The following PIWIL2 variants were observed in gnomAD, a reference collection of about 807,000 sequenced individuals.
PIWIL2 encodes piwi like RNA-mediated gene silencing 2, also known as piwi-like protein 2.
A neutral mutation model predicts 116.5 loss-of-function variants in PIWIL2; 81 were observed. The observed-to-expected ratio is 0.70, with a 90% CI of 0.58 to 0.84. The LOEUF is 0.84. Among genes scored for constraint, PIWIL2 ranks in the 40% least tolerant of loss-of-function variants. The pLI is 0.00. For synonymous variants in PIWIL2, 489 were observed against 429.5 expected (o/e 1.14, Z -1.71); for missense variants, 1,272 against 1,212.3 (o/e 1.05, Z -0.73).
chr8:22,325,171 C>G (rs570188416), intron 20 of PIWIL2, among the ~76,000 whole-genome samples: 9 of 152,282 alleles, frequency 5.9e-5, no homozygotes, highest in African/African-American at 2.2e-4. Flanking sequence ...CATCCTGCCC[C>G]CAGGGAAGAA....
rs187960055 is a variant in PIWIL2, at chr8:22,332,476, A to T, written c.2403+14201A>T. 1.1e-4 allele frequency among the ~76,000 whole-genome samples: 17 copies of T among 152,266 alleles called. 2 individuals carry two copies. Among genetic ancestry groups the T allele is most frequent in the African/African-American group, 4.1e-4 (17 of 41,530 alleles). On this transcript the variant is annotated intron_variant, in intron 20 of 22. Transcript: ENST00000356766. Reference sequence around the variant, plus strand: ...AAACTGTTAGAAGACCCCAAACCATAGATTCAGAAAGCCCAACACATCTCA... The same window carrying T: ...AAACTGTTAGAAGACCCCAAACCATTGATTCAGAAAGCCCAACACATCTCA...
intron 13 of PIWIL2, 88 bp from the exon 14 acceptor site, chr8:22,307,845 G>A: frequency 3.0e-6 from 3 of 988,750 alleles, no homozygotes; most frequent in Non-Finnish European, 4.4e-6. Context: ...CAATGGGAAA[G>A]AGAAACATTT....
chr8:22,283,056 G>A lies in PIWIL2; in HGVS notation c.448G>A (p.Asp150Asn). The change falls in exon 5 of 23, where the codon GAT (aspartate) becomes AAT (asparagine). Residue 150 changes from aspartate to asparagine, a missense_variant. Physicochemically the swap from Asp to Asn is conservative, Grantham distance 23 (BLOSUM62 1). Transcript: ENST00000356766. ...WSRTLGRGSS[D>N]ASLLPLGRAA... Reference sequence around the variant, plus strand: ...CAGGACGCTTGGAAGAGGGAGTTCAGATGCGTCTTTATTACCACTGGGAAG... The same window carrying A: ...CAGGACGCTTGGAAGAGGGAGTTCAAATGCGTCTTTATTACCACTGGGAAG... 1 of 1,614,174 alleles carries A rather than the reference G, an allele frequency of 6.2e-7. No homozygotes were observed. The highest frequency in any genetic ancestry group is 1.1e-5 in the South Asian group (1 of 91,082).
chr8:22,277,127 T>C (rs969249418), intron 1 of PIWIL2, among the ~76,000 whole-genome samples: 19 of 151,924 alleles, frequency 1.3e-4, no homozygotes, highest in Non-Finnish European at 2.4e-4. Context: ...GTTCAAGCAA[T>C]TCTTGTGCCT....
chr8:22,339,685 A>C (rs1832063327), intron 20 of PIWIL2, among the ~76,000 whole-genome samples: 1 of 152,226 alleles, frequency 6.6e-6, no homozygotes, highest in South Asian at 2.1e-4. Flanking sequence ...TAAGAAAGTT[A>C]AAAGACAACG....
rs139650921 is a variant in PIWIL2, at chr8:22,288,175, G to A, written c.862-367G>A. On this transcript the variant is annotated intron_variant, in intron 7 of 22. Transcript: ENST00000356766. ...TAGCTGGGCATGGTGGCAGGCGCCT[G>A]TAGTCCCAGCTACTCAGGAGGCTGA... is the stretch of plus-strand genomic sequence containing the variant. Among the ~76,000 whole-genome samples the A allele has an allele frequency of 2.3e-3, 348 of 152,176 alleles. 3 individuals are homozygous for A. Among genetic ancestry groups the A allele is most frequent in the African/African-American group, 7.9e-3 (330 of 41,542 alleles).
chr8:22,327,178 G>A (rs12681598), intron 20 of PIWIL2, among the ~76,000 whole-genome samples: 8 of 151,140 alleles, frequency 5.3e-5, no homozygotes, highest in Admixed American at 2.6e-4. Flanking sequence ...CCAGGTGCAC[G>A]CCACCACACC....
At chr8:22,353,317 A>G in intron 21 of PIWIL2, 105 bp downstream of exon 21, 1 of 978,054 alleles carries the variant, frequency 1.0e-6, no homozygotes, top group Non-Finnish European at 1.5e-6. Flanking sequence ...GTGGACTAGA[A>G]TCTCAGAGAG....
chr8:22,291,113 C>T (rs922782520), intron 10 of PIWIL2, among the ~76,000 whole-genome samples: 6 of 151,408 alleles, frequency 4.0e-5, no homozygotes, highest in Non-Finnish European at 7.4e-5. Context: ...GAATTATAGG[C>T]GCCCGCCACC....
chr8:22,343,231 C>G (rs962332271), intron 20 of PIWIL2, among the ~76,000 whole-genome samples: 1 of 151,520 alleles, frequency 6.6e-6, no homozygotes, highest in Non-Finnish European at 1.5e-5. Context: ...ATGGAGAAAC[C>G]CCGTCTCTAC....
intron 20 of PIWIL2, among the ~76,000 whole-genome samples, chr8:22,329,489 A>G (rs1256044849): frequency 6.6e-6 from 1 of 152,200 alleles, no homozygotes; most frequent in East Asian, 1.9e-4. Context: ...AGAAAGTGAG[A>G]GAGAAGAAGA....
At chr8:22,330,349 T>C (rs182515832) in intron 20 of PIWIL2, among the ~76,000 whole-genome samples, 5 of 152,320 alleles carry the variant, frequency 3.3e-5, no homozygotes, top group Admixed American at 3.3e-4. Context: ...CACATTCTCA[T>C]ACTTTCGTTA....
chr8:22,282,244 CTTTTTTT>C (rs34130038), intron 4 of PIWIL2, among the ~76,000 whole-genome samples: 1 of 33,570 alleles, frequency 3.0e-5, no homozygotes, highest in Non-Finnish European at 5.4e-5. Context: ...CCACACCCGG[CTTTTTTT>C]TTTTTTTTTT....
intron 4 of PIWIL2, 33 bp downstream of exon 4, chr8:22,281,548 A>G (rs747996537): frequency 8.6e-6 from 13 of 1,516,664 alleles, no homozygotes; most frequent in South Asian, 3.9e-5. Context: ...GTAACTATCA[A>G]ATTCAGATGG....
At position 22,314,341 on chromosome 8, in the gene PIWIL2, T is replaced by A. The variant is rs185217581; in HGVS notation, c.2003T>A (p.Met668Lys). The change falls in exon 17 of 23, where the codon ATG (methionine) becomes AAG (lysine). Residue 668 changes from methionine to lysine, a missense_variant. Physicochemically the swap from Met to Lys is moderately conservative, Grantham distance 95. Coordinates refer to ENST00000356766, the MANE Select transcript of PIWIL2 (RefSeq NM_018068.5). ...STLGAEGKIQMVVCIIMGPRD... is the reference protein window; with the variant it reads ...STLGAEGKIQKVVCIIMGPRD... ...TATCTCCTCAAGGGGAAGATACAGA[T>A]GGTTGTTTGCATCATCATGGGCCCA... 6.4e-7 allele frequency: 1 copy of A among 1,555,980 alleles called. No homozygotes were observed. The highest frequency in any genetic ancestry group is 8.7e-7 in the Non-Finnish European group (1 of 1,147,148).
intron 20 of PIWIL2, among the ~76,000 whole-genome samples, chr8:22,336,157 A>C (rs934760303): frequency 6.6e-6 from 1 of 152,194 alleles, no homozygotes; most frequent in Admixed American, 6.5e-5. Context: ...TACCTAACAG[A>C]CATCTATAAA....
intron 18 of PIWIL2, among the ~76,000 whole-genome samples, chr8:22,315,467 C>T (rs1285687749): frequency 1.3e-5 from 2 of 151,182 alleles, no homozygotes; most frequent in Non-Finnish European, 1.5e-5. Flanking sequence ...CAGGTGCCCG[C>T]CACCATACCC....
rs929393988 is a variant in PIWIL2, at chr8:22,304,180, G to C, written c.1341G>C (p.Gly447=). The part of the protein sequence containing the change: ...TPKDSFTMSD[G]KEITFLEYYS... ...AGGATAGCTTCACGATGTCTGATGG[G>C]AAAGAGATCACATTCTTGGAATACT... The change falls in exon 11 of 23, where the codon GGG becomes GGC. Residue 447 remains glycine, a synonymous_variant. Coordinates refer to ENST00000356766, the MANE Select transcript of PIWIL2 (RefSeq NM_018068.5). The C allele has an allele frequency of 6.2e-7, 1 of 1,613,518 alleles. No individual in the cohort carries two copies. The highest frequency in any genetic ancestry group is 2.2e-5 in the East Asian group (1 of 44,878).
Position 22,302,619 on chromosome 8 carries a change from C to T in PIWIL2, c.1182-1402C>T, listed in dbSNP as rs918371483. Among the ~76,000 whole-genome samples the T allele has an allele frequency of 2.0e-5, 3 of 152,014 alleles. No homozygotes were observed. The East Asian group carries it at 5.8e-4, about 29-fold the overall frequency. The stretch of plus-strand genomic sequence containing the variant: ...TTTAACCTGGCTTCCTAGTGATCAC[C>T]CCCTTGTCTGTAGAGCTTAGTCATT... On this transcript the variant is annotated intron_variant, in intron 10 of 22. Transcript: ENST00000356766.
Sources: allele counts gnomAD v4.1 joint callset (sites outside exome capture counted in the v4.1 genomes callset), GRCh38; gene constraint gnomAD v4.1.1; transcripts MANE v1.5; gene names NCBI Gene and HGNC (gene_info 2026-07-23, HGNC 2026-07-21).